Variants in SOX6 observed in about 807,000 individuals in gnomAD.
The protein encoded by SOX6 is transcription factor SOX-6.
Under a neutral mutation model 97.8 loss-of-function variants are expected in SOX6, and 11 were observed. That is an observed-to-expected ratio of 0.11 (90% CI 0.07 to 0.19). The LOEUF (loss-of-function observed/expected upper bound fraction) is 0.19. Ranked by LOEUF, SOX6 falls within the 10% of genes least tolerant of loss-of-function variation. The pLI, the probability that SOX6 is intolerant of heterozygous loss-of-function variation, is 1.00. For missense variants in SOX6, 810 were observed against 1,039.5 expected, an observed-to-expected ratio of 0.78 and a Z score of 3.04; for synonymous variants, 360 against 371.4, an observed-to-expected ratio of 0.97 and a Z score of 0.35.
chr11:16,260,058 G>T (rs1565054126), intron 3 of SOX6, among the ~76,000 whole-genome samples: 1 of 151,856 alleles, frequency 6.6e-6, no homozygotes, highest in Non-Finnish European at 1.5e-5. Context: ...GGAGTGCAGT[G>T]GCCCAATCTC....
At chr11:16,169,736 T>C (rs1254702655) in intron 6 of SOX6, among the ~76,000 whole-genome samples, 1 of 152,094 alleles carries the variant, frequency 6.6e-6, no homozygotes, top group Non-Finnish European at 1.5e-5. Context: ...TTTAAATTCC[T>C]TCCACTTGAG....
upstream of SOX6, among the ~76,000 whole-genome samples, chr11:16,481,037 A>C (rs56255909): frequency 0.12 from 17,599 of 152,146 alleles, 1,036 homozygotes; most frequent in Non-Finnish European, 0.14. Context: ...CCTGTATGCA[A>C]ATTCAAGTGG....
chr11:16,234,948 C>A (rs1446416478), intron 3 of SOX6, among the ~76,000 whole-genome samples: 1 of 151,898 alleles, frequency 6.6e-6, no homozygotes, highest in African/African-American at 2.4e-5. Flanking sequence ...AATATTCAAT[C>A]AGCATTTGTC....
intron 4 of SOX6, among the ~76,000 whole-genome samples, chr11:16,517,098 T>C (rs2133157336): frequency 6.6e-6 from 1 of 151,298 alleles, no homozygotes; most frequent in South Asian, 2.1e-4. Flanking sequence ...TCTCAATAGA[T>C]GCAGAAAAGG....
At chr11:16,124,734 A>C (rs183537584) in intron 6 of SOX6, among the ~76,000 whole-genome samples, 2 of 152,224 alleles carry the variant, frequency 1.3e-5, no homozygotes, top group Non-Finnish European at 2.9e-5. Flanking sequence ...TTGTATTCTT[A>C]GTGTGATGGA....
At chr11:16,350,862 G>A (rs1024566663) in intron 1 of SOX6, among the ~76,000 whole-genome samples, 6 of 152,058 alleles carry the variant, frequency 3.9e-5, no homozygotes, top group Non-Finnish European at 7.4e-5. Context: ...ACAACACATC[G>A]TAGACAATCA....
intron 2 of SOX6, among the ~76,000 whole-genome samples, chr11:16,734,348 C>G (rs77703632): frequency 4.5e-3 from 680 of 152,294 alleles, no homozygotes; most frequent in Non-Finnish European, 6.9e-3. Flanking sequence ...AAATCAGCTT[C>G]TAAATGGGCT....
At chr11:16,307,894 C>T (rs528377928) in intron 3 of SOX6, among the ~76,000 whole-genome samples, 1 of 152,300 alleles carries the variant, frequency 6.6e-6, no homozygotes, top group South Asian at 2.1e-4. Flanking sequence ...GGGGAATCCA[C>T]AGTCTTCTAA....
rs141413202 is a variant in SOX6 at position 16,461,804 on chromosome 11, C to T, written c.-5+14511G>A. Among the ~76,000 whole-genome samples the T allele has an allele frequency of 4.6e-4, 70 of 152,304 alleles. No homozygotes were observed. In the East Asian group the frequency reaches 0.013, roughly 29 times the overall value. ...ATTCCATCTCCTCTCTTCTGTGTAT[C>T]TCCTCTGCAATAACAAATGTAATTT... On this transcript the variant is annotated intron_variant, in intron 1 of 15. Transcript: ENST00000396356.
At chr11:16,636,269 T>C (rs1421065009) in intron 3 of SOX6, among the ~76,000 whole-genome samples, 2 of 152,206 alleles carry the variant, frequency 1.3e-5, no homozygotes, top group Non-Finnish European at 2.9e-5. Flanking sequence ...CAGCAATACC[T>C]GGATGTGAGG....
intron 1 of SOX6, among the ~76,000 whole-genome samples, chr11:16,427,027 G>A (rs1278338915): frequency 6.6e-6 from 1 of 150,488 alleles, no homozygotes; most frequent in African/African-American, 2.5e-5. Flanking sequence ...AATCCTGGAA[G>A]ACAACCTAGG....
chr11:16,353,847 A>T (rs1030642363), intron 1 of SOX6, among the ~76,000 whole-genome samples: 3 of 152,000 alleles, frequency 2.0e-5, no homozygotes, highest in African/African-American at 7.2e-5. Flanking sequence ...AGAATCCTGC[A>T]TTATTTATCT....
intron 4 of SOX6, among the ~76,000 whole-genome samples, chr11:16,504,378 A>C (rs1590226339): frequency 6.6e-6 from 1 of 152,154 alleles, no homozygotes; most frequent in Admixed American, 6.5e-5. Context: ...CATCTGACCA[A>C]CAAGTTCAGT....
At chr11:16,230,840 T>C (rs1669234534) in intron 4 of SOX6, among the ~76,000 whole-genome samples, 1 of 151,622 alleles carries the variant, frequency 6.6e-6, no homozygotes, top group South Asian at 2.1e-4. Context: ...CTAATAAAAG[T>C]TTAGATGGAA....
At chr11:16,060,315 A>G (rs893805441) in intron 9 of SOX6, among the ~76,000 whole-genome samples, 1 of 151,898 alleles carries the variant, frequency 6.6e-6, no homozygotes, top group Non-Finnish European at 1.5e-5. Context: ...TAAGGAAGGC[A>G]AGACCACATA....
chr11:16,071,377 C>T (rs146343025), intron 9 of SOX6, among the ~76,000 whole-genome samples: 1 of 152,284 alleles, frequency 6.6e-6, no homozygotes, highest in Non-Finnish European at 1.5e-5. Context: ...ACTTAGCCAG[C>T]AGGTGCAGCT....
At chr11:16,156,138 G>C (rs2134063209) in intron 6 of SOX6, among the ~76,000 whole-genome samples, 1 of 152,016 alleles carries the variant, frequency 6.6e-6, no homozygotes, top group South Asian at 2.1e-4. Context: ...AAATGATTGG[G>C]TTTAAATAGA....
intron 4 of SOX6, among the ~76,000 whole-genome samples, chr11:16,523,705 GA>G (rs1861108425): frequency 6.6e-6 from 1 of 152,026 alleles, no homozygotes; most frequent in South Asian, 2.1e-4. Flanking sequence ...CTGGTTTTTT[GA>G]AAGGATCAAC....
At chr11:16,095,118 C>CTA (rs1848766008) in intron 9 of SOX6, among the ~76,000 whole-genome samples, 2 of 151,838 alleles carry the variant, frequency 1.3e-5, no homozygotes, top group South Asian at 2.1e-4. Context: ...CTAGGTTGGA[C>CTA]TATAAAATCT....
Sources: allele counts gnomAD v4.1 joint callset (sites outside exome capture counted in the v4.1 genomes callset), GRCh38; gene constraint gnomAD v4.1.1; transcripts MANE v1.5; gene names NCBI Gene and HGNC (gene_info 2026-07-23, HGNC 2026-07-21).